The following DEAF1 variants were observed in gnomAD, a reference collection of about 807,000 sequenced individuals.
DEAF1 encodes deformed epidermal autoregulatory factor 1 homolog.
A neutral mutation model predicts 58.9 loss-of-function variants in DEAF1; 53 were observed. The observed-to-expected ratio is 0.90, with a 90% CI of 0.72 to 1.13. DEAF1 has a LOEUF of 1.13. DEAF1 is among the 50% of genes most tolerant of loss of function. DEAF1 has a pLI of 0.00. For synonymous variants in DEAF1, 385 were observed against 340.4 expected (o/e 1.13, Z -1.44); for missense variants, 685 against 791.4 (o/e 0.87, Z 1.61).
chr11:669,132 T>C (rs1859692091), intron 10 of DEAF1, among the ~76,000 whole-genome samples: 1 of 149,054 alleles, frequency 6.7e-6, no homozygotes. Context: ...ACCCTTTTTT[T>C]TTTTTTTTTT....
chr11:669,554 T>G (rs887613292), intron 10 of DEAF1, among the ~76,000 whole-genome samples: 1 of 151,844 alleles, frequency 6.6e-6, no homozygotes, highest in African/African-American at 2.4e-5. Context: ...GAGACTCTCT[T>G]GAACCTGGGA....
At chr11:680,387 C>T (rs1312137380) in intron 7 of DEAF1, among the ~76,000 whole-genome samples, 3 of 152,310 alleles carry the variant, frequency 2.0e-5, no homozygotes, top group Admixed American at 6.5e-5. Flanking sequence ...TTAACAAAAG[C>T]CTATTACAAA....
intron 10 of DEAF1, among the ~76,000 whole-genome samples, chr11:673,663 C>T (rs1019489501): frequency 1.3e-5 from 2 of 152,190 alleles, no homozygotes; most frequent in African/African-American, 4.8e-5. Context: ...AAAGCAGCTA[C>T]AACAAAATCC....
rs773963410 is a variant in DEAF1 at position 687,959 on chromosome 11, G to A, written c.616C>T (p.Arg206Trp). Reference sequence around the variant, plus strand: ...AGAGTGCCGCTGATGTTCCGGCACCGTACGGGCAGCTCACTGTCGTACACA... The same window carrying A: ...AGAGTGCCGCTGATGTTCCGGCACCATACGGGCAGCTCACTGTCGTACACA... ...PSVYDSELPVRCRNISGTLYK... is the reference protein window; with the variant it reads ...PSVYDSELPVWCRNISGTLYK... The change falls in exon 4 of 12, where the codon CGG becomes TGG. Residue 206 changes from arginine to tryptophan, a missense_variant. Physicochemically the swap from Arg to Trp is moderately radical, Grantham distance 101 (BLOSUM62 -3). Transcript: ENST00000382409. 7.4e-6 allele frequency: 12 copies of A among 1,613,970 alleles called. No homozygotes were observed. The highest frequency in any genetic ancestry group is 2.2e-5 in the South Asian group (2 of 91,090).
upstream of DEAF1, among the ~76,000 whole-genome samples, chr11:697,306 T>G (rs1231477851): frequency 6.6e-6 from 1 of 152,198 alleles, no homozygotes; most frequent in Non-Finnish European, 1.5e-5. Flanking sequence ...TCTTGTCCAT[T>G]ACATCAGGGA....
chr11:656,782 G>A (rs1249166786), intron 10 of DEAF1, among the ~76,000 whole-genome samples: 1 of 152,208 alleles, frequency 6.6e-6, no homozygotes. Flanking sequence ...CGGGAAGCCT[G>A]TCCTGTTGCC....
At chr11:700,409 C>T (rs1861395555) in intron 1 of DEAF1, among the ~76,000 whole-genome samples, 1 of 151,930 alleles carries the variant, frequency 6.6e-6, no homozygotes, top group Non-Finnish European at 1.5e-5. Context: ...CGCCTGTAGT[C>T]CCAGCTACTC....
chr11:656,890 A>G (rs543761444), intron 10 of DEAF1, among the ~76,000 whole-genome samples: 1 of 151,780 alleles, frequency 6.6e-6, no homozygotes, highest in Non-Finnish European at 1.5e-5. Context: ...AAACTGAAAA[A>G]TAACGTTCTA....
intron 2 of DEAF1, among the ~76,000 whole-genome samples, chr11:690,677 C>T (rs1481845895): frequency 2.0e-5 from 3 of 151,932 alleles, no homozygotes; most frequent in Admixed American, 6.6e-5. Flanking sequence ...ACCCAGGAGG[C>T]GGAGGTTGCA....
intron 11 of DEAF1, chr11:646,309 T>C (rs898104081): frequency 6.8e-6 from 1 of 147,312 alleles, no homozygotes; most frequent in Non-Finnish European, 1.5e-5. Flanking sequence ...TAAATCTACA[T>C]AGCATGAAAG....
At chr11:669,682 C>A (rs1367807768) in intron 10 of DEAF1, among the ~76,000 whole-genome samples, 1 of 151,604 alleles carries the variant, frequency 6.6e-6, no homozygotes, top group Non-Finnish European at 1.5e-5. Flanking sequence ...GTAATCCCAG[C>A]ACTTTGGGAG....
At chr11:676,567 C>T (rs966471881) in intron 9 of DEAF1, among the ~76,000 whole-genome samples, 8 of 152,028 alleles carry the variant, frequency 5.3e-5, no homozygotes, top group Admixed American at 4.6e-4. Flanking sequence ...GGCTGGAGGG[C>T]GGTGGCATCA....
chr11:692,663 A>G (rs553301749), intron 1 of DEAF1, among the ~76,000 whole-genome samples: 1 of 152,046 alleles, frequency 6.6e-6, no homozygotes, highest in Admixed American at 6.5e-5. Context: ...GACCAGCCTG[A>G]CCAACATAGA....
At chr11:695,989 A>G, upstream of DEAF1, 1 of 699,306 alleles carries the variant, frequency 1.4e-6, no homozygotes, top group Non-Finnish European at 2.0e-6. Context: ...CCGTCACCCC[A>G]TCGAGAAGCG....
At chr11:678,672 G>A in intron 9 of DEAF1, 22 bp downstream of exon 9, 2 of 1,613,826 alleles carry the variant, frequency 1.2e-6, no homozygotes, top group South Asian at 1.1e-5. Context: ...ACCTGTACAT[G>A]TGTGAATTCT....
rs543443481 is a variant in DEAF1, at chr11:660,048, A to T, written c.1504-5997T>A. The stretch of plus-strand genomic sequence containing the variant: ...CCCCCGGGACCACTGTGGCTTCACC[A>T]ATGCCCACCATGGGGCAGAGGGCTC... On this transcript the variant is annotated intron_variant, in intron 10 of 11. Coordinates refer to ENST00000382409, the MANE Select transcript of DEAF1 (RefSeq NM_021008.4). Among the ~76,000 whole-genome samples the T allele has an allele frequency of 3.3e-4, 50 of 152,300 alleles. 1 individual carries two copies. The highest frequency in any genetic ancestry group is 1.2e-3 in the African/African-American group (50 of 41,560).
intron 10 of DEAF1, among the ~76,000 whole-genome samples, chr11:671,311 C>G (rs1232180620): frequency 6.6e-6 from 1 of 151,818 alleles, no homozygotes; most frequent in Non-Finnish European, 1.5e-5. Flanking sequence ...ACCTCTGCCT[C>G]CTGGGTTCAA....
At chr11:647,698 C>T (rs929931118) in intron 11 of DEAF1, among the ~76,000 whole-genome samples, 6 of 152,170 alleles carry the variant, frequency 3.9e-5, no homozygotes, top group African/African-American at 7.2e-5. Flanking sequence ...GTGAGGGCGA[C>T]GGGCCTCTCC....
At chr11:667,229 A>G (rs1197339355) in intron 10 of DEAF1, among the ~76,000 whole-genome samples, 1 of 152,064 alleles carries the variant, frequency 6.6e-6, no homozygotes, top group Admixed American at 6.6e-5. Flanking sequence ...GGCTAAGGGA[A>G]GATCACCTGA....
Sources: gnomAD v4.1 joint callset for allele counts (sites outside exome capture counted in the v4.1 genomes callset) on GRCh38, gnomAD v4.1.1 for gene constraint, MANE v1.5 for transcripts, NCBI Gene and HGNC (gene_info 2026-07-23, HGNC 2026-07-21) for gene names.